Variants in ABTB2 observed in about 807,000 individuals in gnomAD.
The protein encoded by ABTB2 is ankyrin repeat and BTB/POZ domain-containing protein 2.
A neutral mutation model predicts 104.1 loss-of-function variants in ABTB2; 56 were observed. That is an observed-to-expected ratio of 0.54 (90% CI 0.43 to 0.67). The LOEUF (loss-of-function observed/expected upper bound fraction) is 0.67. Ranked by LOEUF, ABTB2 falls within the 30% of genes least tolerant of loss-of-function variation. The pLI is 0.00. For missense variants in ABTB2, 1,279 were observed against 1,407.7 expected, an observed-to-expected ratio of 0.91 and a Z score of 1.46; for synonymous variants, 606 against 608.2, an observed-to-expected ratio of 1.00 and a Z score of 0.05.
intron 1 of ABTB2, among the ~76,000 whole-genome samples, chr11:34,328,909 A>G (rs2133115700): frequency 6.6e-6 from 1 of 152,358 alleles, no homozygotes; most frequent in East Asian, 1.9e-4. Flanking sequence ...GAACTTTTCA[A>G]TAATAATTGT....
At chr11:34,190,388 T>C (rs957609454) in intron 3 of ABTB2, among the ~76,000 whole-genome samples, 1 of 152,140 alleles carries the variant, frequency 6.6e-6, no homozygotes, top group African/African-American at 2.4e-5. Flanking sequence ...GCCTGAGGGC[T>C]GACCTCATGC....
chr11:34,245,872 G>A (rs1251273055), intron 1 of ABTB2, among the ~76,000 whole-genome samples: 9 of 152,226 alleles, frequency 5.9e-5, no homozygotes, highest in Non-Finnish European at 1.3e-4. Context: ...AGGAGCCACT[G>A]TGCTGTTCTA....
At chr11:34,253,144 G>C (rs1421934030) in intron 1 of ABTB2, among the ~76,000 whole-genome samples, 3 of 152,162 alleles carry the variant, frequency 2.0e-5, no homozygotes, top group Non-Finnish European at 4.4e-5. Context: ...AGGAGAGTCT[G>C]GGAGAATCTC....
chr11:34,166,211 C>A (rs886218505), intron 7 of ABTB2, among the ~76,000 whole-genome samples: 1 of 152,264 alleles, frequency 6.6e-6, no homozygotes, highest in Non-Finnish European at 1.5e-5. Context: ...GGGAGCCCAA[C>A]CGCCCTTCCC....
chr11:34,174,152 GTC>G (rs1852927725), intron 3 of ABTB2, among the ~76,000 whole-genome samples: 1 of 152,032 alleles, frequency 6.6e-6, no homozygotes, highest in African/African-American at 2.4e-5. Context: ...GGCTAACACA[GTC>G]TCTGTTAAAA....
At chr11:34,217,437 G>C (rs540740309) in intron 1 of ABTB2, among the ~76,000 whole-genome samples, 2 of 152,136 alleles carry the variant, frequency 1.3e-5, no homozygotes, top group African/African-American at 4.8e-5. Context: ...ACTGTGCACA[G>C]GTTTTTGTGT....
intron 1 of ABTB2, among the ~76,000 whole-genome samples, chr11:34,307,281 CACAATT>C (rs1000729040): frequency 6.6e-6 from 1 of 152,208 alleles, no homozygotes; most frequent in African/African-American, 2.4e-5. Context: ...AGGAGTCCAG[CACAATT>C]AGGTCACTTC....
chr11:34,317,254 C>CT (rs1448522495), intron 1 of ABTB2, among the ~76,000 whole-genome samples: 2 of 152,200 alleles, frequency 1.3e-5, no homozygotes, highest in Non-Finnish European at 2.9e-5. Flanking sequence ...ATCTTGCCCT[C>CT]TGATTCCACT....
At chr11:34,270,504 C>T (rs1242717867) in intron 1 of ABTB2, among the ~76,000 whole-genome samples, 1 of 152,036 alleles carries the variant, frequency 6.6e-6, no homozygotes, top group Non-Finnish European at 1.5e-5. Context: ...CACACCTAGC[C>T]AATTTTTGTA....
intron 1 of ABTB2, among the ~76,000 whole-genome samples, chr11:34,295,240 A>G (rs185293986): frequency 1.4e-4 from 22 of 152,238 alleles, no homozygotes; most frequent in Non-Finnish European, 2.2e-4. Flanking sequence ...TGCTGATGAG[A>G]ATGATCCAGC....
At chr11:34,271,105 G>T (rs577193982) in intron 1 of ABTB2, among the ~76,000 whole-genome samples, 18 of 152,304 alleles carry the variant, frequency 1.2e-4, no homozygotes, top group African/African-American at 4.3e-4. Context: ...TGATGGCGGG[G>T]AAGTGCAGGA....
At chr11:34,197,567 A>G in intron 2 of ABTB2, 29 bp from the exon 3 acceptor site, 1 of 1,440,314 alleles carries the variant, frequency 6.9e-7, no homozygotes, top group Non-Finnish European at 9.4e-7. Flanking sequence ...GGCAGAGGGG[A>G]GGAAGAGAAA....
intron 1 of ABTB2, among the ~76,000 whole-genome samples, chr11:34,332,641 G>A (rs563646797): frequency 1.1e-4 from 17 of 151,984 alleles, no homozygotes; most frequent in Admixed American, 3.3e-4. Flanking sequence ...CAGCATCCAG[G>A]GACCACCCCC....
At chr11:34,221,866 C>G (rs1853628070) in intron 1 of ABTB2, among the ~76,000 whole-genome samples, 1 of 152,222 alleles carries the variant, frequency 6.6e-6, no homozygotes, top group African/African-American at 2.4e-5. Context: ...TGGCAAAACA[C>G]TGTCTCTATT....
At chr11:34,159,248 G>T (rs762305139) in intron 14 of ABTB2, 48 bp downstream of exon 14, 1 of 1,477,524 alleles carries the variant, frequency 6.8e-7, no homozygotes, top group Non-Finnish European at 9.4e-7. Context: ...TGGGCTCCTG[G>T]GGGAGGGTCA....
intron 1 of ABTB2, among the ~76,000 whole-genome samples, chr11:34,288,247 G>C (rs1028869691): frequency 6.6e-6 from 1 of 152,090 alleles, no homozygotes; most frequent in Non-Finnish European, 1.5e-5. Flanking sequence ...CCACTATTTA[G>C]ACTACAGCCT....
At chr11:34,176,861 A>C (rs748003823) in intron 3 of ABTB2, among the ~76,000 whole-genome samples, 3 of 152,180 alleles carry the variant, frequency 2.0e-5, no homozygotes, top group Admixed American at 6.5e-5. Flanking sequence ...TGTGTAGTCT[A>C]GGAAGAAACA....
chr11:34,155,620 C>A (rs754071891), intron 14 of ABTB2, among the ~76,000 whole-genome samples: 7 of 152,234 alleles, frequency 4.6e-5, no homozygotes, highest in Non-Finnish European at 1.0e-4. Flanking sequence ...CTGTCAAGAC[C>A]GGCCCTGAGG....
chr11:34,246,674 C>T (rs367777792), intron 1 of ABTB2, among the ~76,000 whole-genome samples: 4 of 148,454 alleles, frequency 2.7e-5, no homozygotes, highest in South Asian at 4.3e-4. Flanking sequence ...CTGTACTCTT[C>T]GCCATTTCAA....
Sources: allele counts gnomAD v4.1 joint callset (sites outside exome capture counted in the v4.1 genomes callset), GRCh38; gene constraint gnomAD v4.1.1; transcripts MANE v1.5; gene names NCBI Gene and HGNC (gene_info 2026-07-23, HGNC 2026-07-21).